Variants in ANO3 observed in about 807,000 individuals in gnomAD.
The protein encoded by ANO3 is anoctamin-3.
A neutral mutation model predicts 144.8 loss-of-function variants in ANO3; 99 were observed. That is an observed-to-expected ratio of 0.68 (90% CI 0.58 to 0.81). ANO3 has a LOEUF of 0.81. ANO3 is among the 30% of genes least tolerant of loss of function. The pLI is 0.00. For missense variants in ANO3, 905 were observed against 1,202.2 expected, an observed-to-expected ratio of 0.75 and a Z score of 3.66; for synonymous variants, 414 against 392.6, an observed-to-expected ratio of 1.05 and a Z score of -0.64.
chr11:26,469,749 A>G (rs1403771554), intron 4 of ANO3, among the ~76,000 whole-genome samples: 1 of 151,980 alleles, frequency 6.6e-6, no homozygotes, highest in Non-Finnish European at 1.5e-5. Flanking sequence ...GAAAATATAT[A>G]TATGCCAGAA....
At chr11:26,534,662 A>G (rs557533233) in intron 9 of ANO3, 100 bp downstream of exon 9, 1 of 747,534 alleles carries the variant, frequency 1.3e-6, no homozygotes, top group African/African-American at 1.7e-5. Context: ...TAATTCATTA[A>G]ATAGATGTGT....
At chr11:26,259,127 A>C (rs755527089) in intron 1 of ANO3, among the ~76,000 whole-genome samples, 16 of 152,204 alleles carry the variant, frequency 1.1e-4, no homozygotes, top group Non-Finnish European at 2.1e-4. Flanking sequence ...GTTCTAAGAA[A>C]ATAAAATCTG....
At chr11:26,372,940 GA>G (rs200801532) in intron 1 of ANO3, among the ~76,000 whole-genome samples, 16 of 150,076 alleles carry the variant, frequency 1.1e-4, no homozygotes, top group South Asian at 2.1e-4. Flanking sequence ...TAGATTATTT[GA>G]AAAAAAAATC....
At chr11:26,642,131 A>C in intron 22 of ANO3, 102 bp downstream of exon 22, 1 of 1,330,524 alleles carries the variant, frequency 7.5e-7, no homozygotes, top group Non-Finnish European at 1.0e-6. Context: ...TTTCCTTTCC[A>C]ACCCCAAGCA....
intron 1 of ANO3, among the ~76,000 whole-genome samples, chr11:26,398,552 G>A (rs1857073311): frequency 6.6e-6 from 1 of 152,106 alleles, no homozygotes; most frequent in South Asian, 2.1e-4. Flanking sequence ...GTATATCTGA[G>A]ATATTTTATA....
chr11:26,269,936 T>G (rs1260971498), intron 1 of ANO3, among the ~76,000 whole-genome samples: 1 of 152,136 alleles, frequency 6.6e-6, no homozygotes, highest in African/African-American at 2.4e-5. Flanking sequence ...CAAACATGAC[T>G]GATATCCTTA....
intron 4 of ANO3, among the ~76,000 whole-genome samples, chr11:26,485,727 TGA>T (rs1389970140): frequency 6.6e-6 from 1 of 152,066 alleles, no homozygotes; most frequent in Non-Finnish European, 1.5e-5. Context: ...AAGACTTAAA[TGA>T]GACCTGAAAC....
intron 8 of ANO3, among the ~76,000 whole-genome samples, chr11:26,533,262 G>A (rs541354937): frequency 3.3e-5 from 5 of 152,094 alleles, no homozygotes; most frequent in South Asian, 2.1e-4. Context: ...TCTTTTTGTC[G>A]GGTAAAAATA....
At chr11:26,629,657 GT>G (rs1852709304) in intron 18 of ANO3, among the ~76,000 whole-genome samples, 1 of 152,124 alleles carries the variant, frequency 6.6e-6, no homozygotes, top group Middle Eastern at 3.4e-3. Flanking sequence ...TTGAGACAGA[GT>G]TTTGCTCTTG....
intron 1 of ANO3, among the ~76,000 whole-genome samples, chr11:26,345,973 C>T (rs1855486987): frequency 6.6e-6 from 1 of 152,124 alleles, no homozygotes; most frequent in Non-Finnish European, 1.5e-5. Context: ...TTCATAAACA[C>T]TATAAAAGTT....
chr11:26,566,138 G>T (rs1021901159), intron 14 of ANO3, among the ~76,000 whole-genome samples: 12 of 151,748 alleles, frequency 7.9e-5, no homozygotes, highest in Admixed American at 7.9e-4. Context: ...ACTTCCTCAA[G>T]CCACACACTG....
At chr11:26,307,721 AAATAATAATAATAATAAT>A (rs56805697), upstream of ANO3, among the ~76,000 whole-genome samples, 1 of 142,512 alleles carries the variant, frequency 7.0e-6, no homozygotes, top group African/African-American at 2.6e-5. Flanking sequence ...CTCCGTCTCT[AAATAATAATAATAATAAT>A]AATAATAATA....
Position 26,315,659 on chromosome 11 carries a change from GTCTATCTATCTATCTATCTATCTATCCA to G in ANO3, c.-3+5965_-3+5992del, listed in dbSNP as rs1418007407. Reference sequence around the variant, plus strand: ...CAAATCTGGACCTATCTATCTGTCTGTCTATCTATCTATCTATCTATCTATCCATCTATCTATCTATCTATCTATCTAC... The same window carrying G: ...CAAATCTGGACCTATCTATCTGTCTGTCTATCTATCTATCTATCTATCTAC... On this transcript the variant is annotated intron_variant, in intron 1 of 26. Coordinates refer to the ANO3 transcript ENST00000525139. Among the ~76,000 whole-genome samples, 607 of 146,044 alleles carry G rather than the reference GTCTATCTATCTATCTATCTATCTATCCA, an allele frequency of 4.2e-3. 4 individuals carry two copies. The highest frequency in any genetic ancestry group is 0.015 in the African/African-American group (574 of 37,574).
intron 21 of ANO3, 114 bp downstream of exon 21, chr11:26,639,355 A>G (rs745702955): frequency 2.8e-6 from 2 of 718,352 alleles, no homozygotes; most frequent in African/African-American, 1.7e-5. Flanking sequence ...TGATGGCTCA[A>G]TTCCTGTTCT....
chr11:26,206,839 C>T (rs184875964), intron 1 of ANO3, among the ~76,000 whole-genome samples: 26 of 152,202 alleles, frequency 1.7e-4, no homozygotes, highest in Admixed American at 3.3e-4. Context: ...TTAAAAACTG[C>T]GCCGTTTCAG....
intron 1 of ANO3, among the ~76,000 whole-genome samples, chr11:26,299,164 G>C (rs1053106695): frequency 6.6e-5 from 10 of 151,942 alleles, no homozygotes; most frequent in African/African-American, 2.2e-4. Flanking sequence ...TTAAGAAAAA[G>C]AGGAATGACA....
At chr11:26,379,969 A>T (rs185316580) in intron 1 of ANO3, among the ~76,000 whole-genome samples, 316 of 152,212 alleles carry the variant, frequency 2.1e-3, no homozygotes, top group African/African-American at 7.2e-3. Flanking sequence ...TTTTCAGTTA[A>T]TCCTGTTTAT....
intron 1 of ANO3, among the ~76,000 whole-genome samples, chr11:26,404,933 A>ATGTG (rs56103536): frequency 0.014 from 2,019 of 146,080 alleles, 18 homozygotes; most frequent in Non-Finnish European, 0.015. Context: ...ATTTATATAT[A>ATGTG]TGTGTGTGTG....
chr11:26,616,570 T>C (rs1852268650), intron 17 of ANO3, among the ~76,000 whole-genome samples: 1 of 152,064 alleles, frequency 6.6e-6, no homozygotes, highest in African/African-American at 2.4e-5. Flanking sequence ...TATGGTTAAT[T>C]AATTTTTACT....
Sources: allele counts gnomAD v4.1 joint callset (sites outside exome capture counted in the v4.1 genomes callset), GRCh38; gene constraint gnomAD v4.1.1; transcripts MANE v1.5; gene names NCBI Gene and HGNC (gene_info 2026-07-23, HGNC 2026-07-21).